FSCN1: variants seen among roughly 807,000 people sequenced by gnomAD.
FSCN1 encodes fascin.
Under a neutral mutation model 39.7 loss-of-function variants are expected in FSCN1, and 10 were observed. That is an observed-to-expected ratio of 0.25 (90% CI 0.16 to 0.43). The LOEUF is 0.43. FSCN1 is among the 20% of genes least tolerant of loss of function. The pLI, the probability that FSCN1 is intolerant of heterozygous loss-of-function variation, is 1.00. For missense variants in FSCN1, 525 were observed against 723.8 expected, an observed-to-expected ratio of 0.73 and a Z score of 3.15; for synonymous variants, 322 against 320.0, an observed-to-expected ratio of 1.01 and a Z score of -0.07.
chr7:5,593,950 C>T, intron 1 of FSCN1, 182 bp downstream of exon 1: 2 of 568,206 alleles, frequency 3.5e-6, no homozygotes, highest in Middle Eastern at 4.6e-4. Flanking sequence ...GGGGCTTTGC[C>T]CATCCTCGGG....
intron 1 of FSCN1, among the ~76,000 whole-genome samples, chr7:5,597,445 C>G (rs532783805): frequency 1.3e-5 from 2 of 152,052 alleles, no homozygotes; most frequent in Non-Finnish European, 2.9e-5. Context: ...GTGGGTGGAT[C>G]ACCTGGAGGT....
intron 4 of FSCN1, 99 bp downstream of exon 4, chr7:5,604,129 G>A: frequency 8.4e-7 from 1 of 1,191,420 alleles, no homozygotes. Flanking sequence ...CTGGACCCTG[G>A]CTTGGCTCAG....
rs200436052 is a variant in FSCN1 at position 5,597,405 on chromosome 7, C to CCT, written c.832+3638_832+3639dup. Among the ~76,000 whole-genome samples, 1,099 of 151,126 alleles carry CCT rather than the reference C, an allele frequency of 7.3e-3. 12 individuals are homozygous for CCT. The highest frequency in any genetic ancestry group is 0.025 in the African/African-American group (1,025 of 41,126). On this transcript the variant is annotated intron_variant, in intron 1 of 4. Transcript: ENST00000382361. ...TTTTGGCCTGGTGCGGTGGCTCACG[C>CCT]CTGTAATGCCAGCACTTTGGGAGTC...
Position 5,599,679 on chromosome 7 carries a change from G to T in FSCN1, c.833-3578G>T, listed in dbSNP as rs1221060473. On this transcript the variant is annotated intron_variant, in intron 1 of 4. Transcript: ENST00000382361. This position sits in a 1 kb window ranked among gnomAD's most constrained non-coding sequence, Gnocchi z 5.6. Reference sequence around the variant, plus strand: ...AAGTTAGCCAGGTGTAGTGGTGAGTGCCTGTGGTCCCACCTACTGGGGAGA... The same window carrying T: ...AAGTTAGCCAGGTGTAGTGGTGAGTTCCTGTGGTCCCACCTACTGGGGAGA... Among the ~76,000 whole-genome samples, 1 of 152,144 alleles carries T rather than the reference G, an allele frequency of 6.6e-6. No homozygotes were observed. The highest frequency in any genetic ancestry group is 1.5e-5 in the Non-Finnish European group (1 of 68,026).
intron 4 of FSCN1, among the ~76,000 whole-genome samples, chr7:5,604,739 G>A (rs181758587): frequency 2.0e-4 from 30 of 152,254 alleles, no homozygotes; most frequent in Middle Eastern, 3.4e-3. Context: ...GGGTTCAAGC[G>A]ATTCTCCTGC....
chr7:5,602,670 G>A (rs1785856229), intron 1 of FSCN1, among the ~76,000 whole-genome samples: 1 of 151,962 alleles, frequency 6.6e-6, no homozygotes, highest in Non-Finnish European at 1.5e-5. Flanking sequence ...ATTGGCTCAA[G>A]AATGTCTTTT....
Position 5,593,510 on chromosome 7 carries a change from G to C in FSCN1, c.574G>C (p.Asp192His), listed in dbSNP as rs779894288. The C allele has an allele frequency of 1.2e-6, 2 of 1,606,444 alleles. No individual in the cohort carries two copies. The highest frequency in any genetic ancestry group is 1.7e-6 in the Non-Finnish European group (2 of 1,178,432). ...CCAGCGCTACAGCGTGCAGACCGCC[G>C]ACCACCGCTTCCTGCGCCACGACGG... ...QDQRYSVQTA[D>H]HRFLRHDGRL... Residue 192 changes from aspartate to histidine, a missense_variant, in exon 1 of 5, where the codon GAC becomes CAC. By Grantham distance (81) the Asp-to-His change is moderately conservative (BLOSUM62 -1). This residue lies in a region of FSCN1 where 246 missense variants were observed against 350.6 expected (regional missense o/e 0.70). Transcript: ENST00000382361.
At position 5,593,586 on chromosome 7, in the gene FSCN1, G is replaced by A; in HGVS notation, c.650G>A (p.Arg217His). ...EPATGYTLEF[R>H]SGKVAFRDCE... ...GCCACTGGCTACACGCTGGAGTTCC[G>A]CTCCGGCAAGGTGGCCTTCCGCGAC... Residue 217 changes from arginine (R) to histidine (H), a missense_variant, in exon 1 of 5, where the codon CGC (arginine) becomes CAC (histidine). Arg to His is a conservative substitution (Grantham distance 29, BLOSUM62 0). Coordinates refer to ENST00000382361, the MANE Select transcript of FSCN1 (RefSeq NM_003088.4). The A allele has an allele frequency of 6.4e-7, 1 of 1,565,126 alleles. No homozygotes were observed.
chr7:5,595,128 C>T (rs965483719), intron 1 of FSCN1, among the ~76,000 whole-genome samples: 4 of 152,256 alleles, frequency 2.6e-5, no homozygotes, highest in African/African-American at 9.6e-5. Flanking sequence ...AGTTTGTGTC[C>T]TCATCCCTCC....
At chr7:5,595,773 C>G (rs55718102) in intron 1 of FSCN1, among the ~76,000 whole-genome samples, 11,165 of 152,198 alleles carry the variant, frequency 0.073, 487 homozygotes, top group African/African-American at 0.12. Context: ...ATGGTCCTTG[C>G]CTTGGGGTTG....
Position 5,603,678 on chromosome 7 carries a change from C to T in FSCN1, c.1111+61C>T, listed in dbSNP as rs763508904. The T allele has an allele frequency of 2.1e-5, 34 of 1,607,200 alleles. No individual in the cohort carries two copies. The highest frequency in any genetic ancestry group is 6.7e-5 in the Admixed American group (4 of 59,854). On this transcript the variant is annotated intron_variant, in intron 3 of 4. Transcript: ENST00000382361. This position sits in a 1 kb window ranked among gnomAD's most constrained non-coding sequence, Gnocchi z 8.5. ...GGAGTCCTGGAGGGTCTGGCCATGC[C>T]GTGGTCACTTGGTAGCCCCAGCCAA...
Position 5,603,295 on chromosome 7 carries a change from C to A in FSCN1, c.871C>A (p.Gln291Lys), listed in dbSNP as rs1785867941. Reference sequence around the variant, plus strand: ...TGCCAATCAGGACGAGGAGACCGACCAGGAGACCTTCCAGCTGGAGATCGA... The same window carrying A: ...TGCCAATCAGGACGAGGAGACCGACAAGGAGACCTTCCAGCTGGAGATCGA... Reference protein sequence around the residue: ...LSANQDEETDQETFQLEIDRD... With the variant: ...LSANQDEETDKETFQLEIDRD... The change falls in exon 2 of 5, where the codon CAG becomes AAG. Residue 291 changes from glutamine to lysine, a missense_variant. By Grantham distance (53) the Gln-to-Lys change is moderately conservative (BLOSUM62 1). Around this residue, in one of 3 missense-constraint regions of FSCN1, gnomAD observed 275 missense variants for 351.9 expected, o/e 0.78. Coordinates refer to ENST00000382361, the MANE Select transcript of FSCN1 (RefSeq NM_003088.4). The surrounding 1 kb of genome is among the most constrained non-coding windows in gnomAD (Gnocchi z 8.5). The A allele has an allele frequency of 6.2e-7, 1 of 1,612,858 alleles. No individual in the cohort carries two copies. The highest frequency in any genetic ancestry group is 1.3e-5 in the African/African-American group (1 of 74,916).
intron 1 of FSCN1, among the ~76,000 whole-genome samples, chr7:5,597,982 AAC>A (rs3839707): frequency 0.15 from 23,337 of 152,134 alleles, 2,266 homozygotes; most frequent in Admixed American, 0.29. Context: ...TTCCCATAGT[AAC>A]ACAGCTCTAA....
chr7:5,604,593 C>CA (rs1157711921), intron 4 of FSCN1, among the ~76,000 whole-genome samples: 2 of 152,006 alleles, frequency 1.3e-5, no homozygotes, highest in African/African-American at 4.8e-5. Flanking sequence ...CTCAGCCTCC[C>CA]AAGTAGCTGG....
chr7:5,595,168 C>T (rs1156707381), intron 1 of FSCN1, among the ~76,000 whole-genome samples: 1 of 152,218 alleles, frequency 6.6e-6, no homozygotes, highest in Non-Finnish European at 1.5e-5. Flanking sequence ...GACGGCCCCC[C>T]TCTTGGCTGT....
At chr7:5,598,108 C>T (rs1175604780) in intron 1 of FSCN1, among the ~76,000 whole-genome samples, 1 of 152,122 alleles carries the variant, frequency 6.6e-6, no homozygotes, top group Non-Finnish European at 1.5e-5. Context: ...CTGATGTCTA[C>T]GTGGCACCAG....
At chr7:5,595,953 G>T (rs1326652091) in intron 1 of FSCN1, among the ~76,000 whole-genome samples, 1 of 152,070 alleles carries the variant, frequency 6.6e-6, no homozygotes, top group East Asian at 1.9e-4. Flanking sequence ...CTGATAGGGT[G>T]GGAGGAACCA....
intron 1 of FSCN1, chr7:5,594,795 C>T (rs1189940048): frequency 6.6e-6 from 1 of 152,226 alleles, no homozygotes; most frequent in African/African-American, 2.4e-5. Flanking sequence ...CCCAGGCCAG[C>T]TCCCTCGGGA....
intron 1 of FSCN1, among the ~76,000 whole-genome samples, chr7:5,601,054 G>T (rs1018353871): frequency 5.3e-5 from 8 of 151,610 alleles, no homozygotes; most frequent in African/African-American, 1.9e-4. Flanking sequence ...CTCCCAAAGT[G>T]CTGGGATTAC....
Sources: allele counts gnomAD v4.1 joint callset (sites outside exome capture counted in the v4.1 genomes callset), GRCh38; gene constraint gnomAD v4.1.1; regional missense constraint gnomAD v4.1.1; non-coding constraint Gnocchi (gnomAD v3.1); transcripts MANE v1.5; gene names NCBI Gene and HGNC (gene_info 2026-07-23, HGNC 2026-07-21).